Variants in KANK1 observed in about 807,000 individuals in gnomAD.
The protein encoded by KANK1 is KN motif and ankyrin repeat domains 1, also known as KN motif and ankyrin repeat domain-containing protein 1.
In KANK1, 109 loss-of-function variants were observed where a neutral mutation model predicts 106.2. The ratio of observed to expected loss-of-function variants is 1.03; its 90% CI spans 0.88 to 1.20. KANK1 has a LOEUF of 1.20. Among genes scored for constraint, KANK1 ranks in the 50% most tolerant of loss-of-function variants. The pLI is 0.00. For synonymous variants in KANK1, 873 were observed against 652.2 expected (o/e 1.34, Z -5.16); for missense variants, 2,399 against 1,710.7 (o/e 1.40, Z -7.10).
chr9:683,339 T>C (rs1817935005), intron 2 of KANK1, among the ~76,000 whole-genome samples: 1 of 152,118 alleles, frequency 6.6e-6, no homozygotes, highest in Non-Finnish European at 1.5e-5. Flanking sequence ...GCTGAGAGGG[T>C]AAAACATAAA....
chr9:474,241 C>T (rs2058067889), intron 3 of KANK1, among the ~76,000 whole-genome samples: 1 of 152,132 alleles, frequency 6.6e-6, no homozygotes, highest in Admixed American at 6.5e-5. Flanking sequence ...TGCTGTTGGC[C>T]ATAAGGAAAA....
At chr9:695,725 A>G (rs1409798710) in intron 2 of KANK1, among the ~76,000 whole-genome samples, 1 of 151,958 alleles carries the variant, frequency 6.6e-6, no homozygotes. Flanking sequence ...TGACAATAGA[A>G]CCCACCCATT....
At chr9:577,024 G>T (rs930559160) in intron 1 of KANK1, among the ~76,000 whole-genome samples, 1 of 152,074 alleles carries the variant, frequency 6.6e-6, no homozygotes, top group African/African-American at 2.4e-5. Context: ...CCTTCCAGTG[G>T]GTTCATGGCC....
intron 1 of KANK1, among the ~76,000 whole-genome samples, chr9:626,233 G>A (rs1209508883): frequency 3.9e-5 from 6 of 152,114 alleles, no homozygotes; most frequent in African/African-American, 1.4e-4. Context: ...GGAGGCCGAG[G>A]CAGGCAGATC....
At chr9:489,566 C>A (rs1023490324) in intron 3 of KANK1, among the ~76,000 whole-genome samples, 3 of 152,152 alleles carry the variant, frequency 2.0e-5, no homozygotes, top group Non-Finnish European at 2.9e-5. Context: ...ATTTGAAAAT[C>A]AGACAGAGAT....
chr9:645,739 G>T (rs1473569058), intron 1 of KANK1, among the ~76,000 whole-genome samples: 1 of 150,610 alleles, frequency 6.6e-6, no homozygotes, highest in Non-Finnish European at 1.5e-5. Context: ...GAAATTAGCC[G>T]GGTGTGGTGG....
chr9:613,459 G>T (rs1371026938), intron 1 of KANK1, among the ~76,000 whole-genome samples: 2 of 151,924 alleles, frequency 1.3e-5, no homozygotes, highest in African/African-American at 4.8e-5. Flanking sequence ...CTTAAAACAT[G>T]AGATTTTTTT....
chr9:520,934 C>G lies in KANK1; in HGVS notation c.-84+16180C>G, dbSNP rs190923588. On this transcript the variant is annotated intron_variant, in intron 1 of 11. Coordinates refer to ENST00000382297, the MANE Select transcript of KANK1 (RefSeq NM_015158.5). Reference sequence around the variant, plus strand: ...GGTCAGATGATTTTTGTTTAATTGCCTGATTTAATATGGTTTTGGCAGCCA... The same window carrying G: ...GGTCAGATGATTTTTGTTTAATTGCGTGATTTAATATGGTTTTGGCAGCCA... Among the ~76,000 whole-genome samples, 282 of 151,678 alleles carry G rather than the reference C, an allele frequency of 1.9e-3. 9 individuals are homozygous for G. Among genetic ancestry groups the G allele is most frequent in the African/African-American group, 6.5e-3 (268 of 41,046 alleles).
chr9:723,937 C>CAA (rs1830014183), intron 3 of KANK1, among the ~76,000 whole-genome samples: 20 of 71,080 alleles, frequency 2.8e-4, no homozygotes, highest in African/African-American at 1.2e-3. Context: ...ATTAAAAATA[C>CAA]GAAAAAAAAA....
In KANK1 at chr9:731,274, A is replaced by G; in HGVS notation, c.3005+8A>G. ...TGTTGGCATTAATGGAGGGTAAGGA[A>G]AGATGGTGGTTCTAGAGGCTAATGC... On this transcript the variant is annotated splice_region_variant and intron_variant, in intron 5 of 11. Coordinates refer to ENST00000382297, the MANE Select transcript of KANK1 (RefSeq NM_015158.5). 1 of 1,525,336 alleles carries G rather than the reference A, an allele frequency of 6.6e-7. No individual in the cohort carries two copies. Among genetic ancestry groups the G allele is most frequent in the Non-Finnish European group, 9.1e-7 (1 of 1,100,730 alleles). The allele number at this position is 1,525,336 out of a possible 1,614,324, so 94.5% of individuals were successfully genotyped here.
chr9:471,155 A>G (rs1485716680), intron 2 of KANK1, among the ~76,000 whole-genome samples: 4 of 152,186 alleles, frequency 2.6e-5, no homozygotes, highest in Non-Finnish European at 4.4e-5. Context: ...GGATCTGATC[A>G]TCAATTATAT....
intron 2 of KANK1, among the ~76,000 whole-genome samples, chr9:690,701 C>G (rs1306305731): frequency 6.6e-6 from 1 of 152,186 alleles, no homozygotes; most frequent in Admixed American, 6.5e-5. Flanking sequence ...GTTCTTATCT[C>G]TAGACTAATG....
At chr9:646,784 GGTTAA>G (rs1289543106) in intron 1 of KANK1, among the ~76,000 whole-genome samples, 1 of 150,204 alleles carries the variant, frequency 6.7e-6, no homozygotes, top group Non-Finnish European at 1.5e-5. Flanking sequence ...CCGCCTCCCG[GGTTAA>G]AGCAATTCTT....
chr9:699,627 C>T (rs1822168781), intron 2 of KANK1, among the ~76,000 whole-genome samples: 1 of 152,158 alleles, frequency 6.6e-6, no homozygotes, highest in African/African-American at 2.4e-5. Context: ...CTAACTTAAT[C>T]ATATAAACAA....
At chr9:724,416 A>T (rs891674308) in intron 3 of KANK1, among the ~76,000 whole-genome samples, 1 of 152,218 alleles carries the variant, frequency 6.6e-6, no homozygotes, top group Non-Finnish European at 1.5e-5. Context: ...GGTTTCAATA[A>T]TAGTCAAAAC....
intron 2 of KANK1, chr9:693,922 T>C: frequency 1.4e-6 from 1 of 690,016 alleles, no homozygotes; most frequent in Non-Finnish European, 1.8e-6. Flanking sequence ...AATAACCCAG[T>C]ACTTGATTTT....
Position 508,139 on chromosome 9 carries a change from T to C in KANK1, c.-84+3385T>C, listed in dbSNP as rs918736322. Among the ~76,000 whole-genome samples, 2 of 132,708 alleles carry C rather than the reference T, an allele frequency of 1.5e-5. 1 individual carries two copies. Among genetic ancestry groups the C allele is most frequent in the East Asian group, 4.3e-4 (2 of 4,628 alleles). The allele number at this position is 132,708 out of a possible 152,430, so 87.1% of individuals were successfully genotyped here. ...GCTCAGCCTTTTTTTTTTTTTTTTT[T>C]TTTTTTTTTTTTTTTTGAGATGGAG... is the stretch of plus-strand genomic sequence containing the variant. On this transcript the variant is annotated intron_variant, in intron 1 of 11. Transcript: ENST00000382297.
chr9:602,724 C>G (rs376463899), intron 1 of KANK1, among the ~76,000 whole-genome samples: 2 of 151,798 alleles, frequency 1.3e-5, no homozygotes, highest in Non-Finnish European at 2.9e-5. Context: ...GAAGTCTTTA[C>G]GGTCAGAGGA....
intron 2 of KANK1, among the ~76,000 whole-genome samples, chr9:698,174 G>A (rs189888093): frequency 2.6e-5 from 4 of 152,320 alleles, no homozygotes; most frequent in South Asian, 2.1e-4. Context: ...CGTGCTGCCC[G>A]CCTTTCTCTC....
Sources: gnomAD v4.1 joint callset for allele counts (sites outside exome capture counted in the v4.1 genomes callset) on GRCh38, gnomAD v4.1.1 for gene constraint, MANE v1.5 for transcripts, NCBI Gene and HGNC (gene_info 2026-07-23, HGNC 2026-07-21) for gene names.